Variants in DOCK9 observed in about 807,000 individuals in gnomAD.
DOCK9 encodes dedicator of cytokinesis protein 9.
A neutral mutation model predicts 263.3 loss-of-function variants in DOCK9; 89 were observed. The observed-to-expected ratio is 0.34, with a 90% CI of 0.28 to 0.40. The LOEUF is 0.40. Among genes scored for constraint, DOCK9 ranks in the 10% least tolerant of loss-of-function variants. DOCK9 has a pLI of 1.00. For missense variants in DOCK9, 2,140 were observed against 2,603.4 expected (o/e 0.82, Z 3.87); for synonymous variants, 976 against 973.1 (o/e 1.00, Z -0.06).
intron 7 of DOCK9, 105 bp from the exon 8 acceptor site, chr13:98,915,608 C>G: frequency 1.7e-6 from 2 of 1,165,678 alleles, no homozygotes; most frequent in South Asian, 3.4e-5. Context: ...GCATTTAGAA[C>G]CAAGCTATTT....
chr13:98,918,501 A>G (rs1204261432), intron 7 of DOCK9, among the ~76,000 whole-genome samples: 5 of 152,232 alleles, frequency 3.3e-5, no homozygotes, highest in African/African-American at 1.2e-4. Flanking sequence ...ATAAAATAAA[A>G]ATCAAGACAC....
chr13:98,856,886 G>A (rs777921424), intron 33 of DOCK9: 27 of 152,122 alleles, frequency 1.8e-4, no homozygotes, highest in Non-Finnish European at 3.2e-4. Flanking sequence ...TAAGGGTGCT[G>A]TGAACGGGGA....
chr13:99,004,798 C>CAT (rs2141868207), intron 1 of DOCK9, among the ~76,000 whole-genome samples: 1 of 151,732 alleles, frequency 6.6e-6, no homozygotes, highest in African/African-American at 2.4e-5. Context: ...CACACACACA[C>CAT]ACACACACAC....
At chr13:98,964,956 C>G (rs1405935386) in intron 1 of DOCK9, among the ~76,000 whole-genome samples, 1 of 152,166 alleles carries the variant, frequency 6.6e-6, no homozygotes, top group Non-Finnish European at 1.5e-5. Context: ...CTCACAAGAG[C>G]CCCCTGCTCC....
At chr13:98,808,742 C>T (rs535820838) in intron 47 of DOCK9, 79 of 992,478 alleles carry the variant, frequency 8.0e-5, no homozygotes, top group South Asian at 3.4e-4. Context: ...GAAAACCACA[C>T]GCCCTAAATA....
intron 9 of DOCK9, among the ~76,000 whole-genome samples, chr13:98,905,010 T>TA (rs2139575825): frequency 6.6e-6 from 1 of 152,214 alleles, no homozygotes; most frequent in Non-Finnish European, 1.5e-5. Context: ...CTTCATAAAG[T>TA]AATGGAATAT....
At chr13:99,048,871 A>G (rs1334864233) in intron 1 of DOCK9, among the ~76,000 whole-genome samples, 1 of 152,242 alleles carries the variant, frequency 6.6e-6, no homozygotes, top group Non-Finnish European at 1.5e-5. Context: ...CAAATCCCTG[A>G]CATTAAGCTC....
intron 2 of DOCK9, 44 bp downstream of exon 2, chr13:98,955,391 G>C: frequency 7.6e-7 from 1 of 1,322,816 alleles, no homozygotes; most frequent in Non-Finnish European, 1.1e-6. Context: ...TGCTTGTTAA[G>C]ATCAAACACG....
intron 7 of DOCK9, among the ~76,000 whole-genome samples, chr13:98,916,762 A>G (rs2139944677): frequency 6.6e-6 from 1 of 152,320 alleles, no homozygotes; most frequent in South Asian, 2.1e-4. Context: ...TCATGAAAAG[A>G]GAAAGTTAAA....
chr13:99,008,516 G>A (rs9517539), intron 1 of DOCK9, among the ~76,000 whole-genome samples: 22,591 of 152,108 alleles, frequency 0.15, 2,418 homozygotes, highest in East Asian at 0.43. Flanking sequence ...TTACAGGCGT[G>A]AGCCACCGCG....
In DOCK9 at chr13:98,881,580, C is replaced by T. The variant is rs536713337; in HGVS notation, c.2723G>A (p.Ser908Asn). Reference protein sequence around the residue: ...VAQCHEEGLESHLRSYVKYAY... With the variant: ...VAQCHEEGLENHLRSYVKYAY... Reference sequence around the variant, plus strand: ...TACCTTAACATATGACCTCAAGTGGCTCTCCAATCCTTCCTCATGGCACTG... The same window carrying T: ...TACCTTAACATATGACCTCAAGTGGTTCTCCAATCCTTCCTCATGGCACTG... The change falls in exon 25 of 53, where the codon AGC (serine) becomes AAC (asparagine). Residue 908 changes from serine (S) to asparagine (N), a missense_variant. By Grantham distance (46) the Ser-to-Asn change is conservative. Around this residue, in one of 2 missense-constraint regions of DOCK9, gnomAD observed 1,521 missense variants for 1,741.7 expected, o/e 0.87. Transcript: ENST00000682017. 8.1e-6 allele frequency: 13 copies of T among 1,608,570 alleles called. No homozygotes were observed. Among genetic ancestry groups the T allele is most frequent in the African/African-American group, 2.7e-5 (2 of 74,964 alleles).
chr13:98,888,790 G>A, intron 15 of DOCK9, 79 bp from the exon 16 acceptor site: 34 of 1,217,302 alleles, frequency 2.8e-5, no homozygotes, highest in East Asian at 2.1e-4. Flanking sequence ...ACTTCCAAGA[G>A]AAATATAAAG....
At chr13:98,969,151 A>G (rs1452110995) in intron 1 of DOCK9, among the ~76,000 whole-genome samples, 1 of 152,226 alleles carries the variant, frequency 6.6e-6, no homozygotes, top group Non-Finnish European at 1.5e-5. Context: ...ACTTCTGTAC[A>G]CAAAAGTACT....
chr13:98,958,065 G>C (rs2058254657), intron 1 of DOCK9, among the ~76,000 whole-genome samples: 1 of 152,206 alleles, frequency 6.6e-6, no homozygotes, highest in African/African-American at 2.4e-5. Context: ...TGTGAGCCCT[G>C]GACAGGGGGT....
At chr13:98,889,906 C>A (rs2046366555) in intron 15 of DOCK9, among the ~76,000 whole-genome samples, 1 of 152,202 alleles carries the variant, frequency 6.6e-6, no homozygotes, top group Admixed American at 6.5e-5. Flanking sequence ...TTAACACAGC[C>A]TCAAAGCTAT....
intron 2 of DOCK9, among the ~76,000 whole-genome samples, chr13:98,952,914 C>G (rs1184032263): frequency 6.6e-6 from 1 of 152,126 alleles, no homozygotes; most frequent in Non-Finnish European, 1.5e-5. Flanking sequence ...ATTTCCTAAC[C>G]AACTTGGTAT....
rs373362241 is a variant in DOCK9, at chr13:98,848,091, A to C, written c.4061+501T>G. ...AGGAAGAGAAAAGGCTCCATTTTAGAGAAGGTTTGTGGAAGTCCACACAAA... is the reference window on the plus strand; with the variant it reads ...AGGAAGAGAAAAGGCTCCATTTTAGCGAAGGTTTGTGGAAGTCCACACAAA... On this transcript the variant is annotated intron_variant, in intron 37 of 52. Coordinates refer to ENST00000682017, the MANE Select transcript of DOCK9 (RefSeq NM_001366683.2). Among the ~76,000 whole-genome samples, 217 of 152,338 alleles carry C rather than the reference A, an allele frequency of 1.4e-3. 7 individuals carry two copies. In the South Asian group the frequency reaches 0.042, roughly 30 times the overall value.
intron 13 of DOCK9, 87 bp from the exon 14 acceptor site, chr13:98,898,348 A>G (rs758563703): frequency 5.9e-4 from 568 of 961,338 alleles, no homozygotes; most frequent in Non-Finnish European, 8.6e-4. Flanking sequence ...TGCTCACTAA[A>G]TAAGTCCTTA....
At chr13:98,989,548 C>T (rs1461030480) in intron 1 of DOCK9, among the ~76,000 whole-genome samples, 3 of 152,036 alleles carry the variant, frequency 2.0e-5, no homozygotes, top group Non-Finnish European at 4.4e-5. Flanking sequence ...ACAGGAAGAA[C>T]ACCCACAATG....
Sources: allele counts gnomAD v4.1 joint callset (sites outside exome capture counted in the v4.1 genomes callset), GRCh38; gene constraint gnomAD v4.1.1; regional missense constraint gnomAD v4.1.1; transcripts MANE v1.5; gene names NCBI Gene and HGNC (gene_info 2026-07-23, HGNC 2026-07-21).